DNAH12: variants seen among roughly 807,000 people sequenced by gnomAD.
DNAH12 encodes the protein axonemal beta dynein heavy chain 12.
DNAH12 carries 285 observed loss-of-function variants against 371.5 expected under a neutral mutation model. The observed-to-expected ratio is 0.77, with a 90% CI of 0.70 to 0.85. DNAH12 has a LOEUF of 0.85. Ranked by LOEUF, DNAH12 falls within the 40% of genes least tolerant of loss-of-function variation. The probability of loss-of-function intolerance (pLI) is 0.00; values close to 1 mark genes in which losing one functional copy is unlikely to be tolerated. For synonymous variants in DNAH12, 1,200 were observed against 1,213.0 expected (o/e 0.99, Z 0.22); for missense variants, 3,611 against 3,689.4 (o/e 0.98, Z 0.55).
In DNAH12 at chr3:57,523,575, G is replaced by T; in HGVS notation, c.279+8C>A. 6.3e-7 allele frequency: 1 copy of T among 1,577,228 alleles called. No individual in the cohort carries two copies. The highest frequency in any genetic ancestry group is 8.6e-7 in the Non-Finnish European group (1 of 1,162,354). On this transcript the variant is annotated splice_region_variant and intron_variant, in intron 4 of 73. Coordinates refer to ENST00000495027, the MANE Select transcript of DNAH12 (RefSeq NM_001366028.2). Reference sequence around the variant, plus strand: ...TTTCAAACAAGAAATATAAAAACTTGAACTCACTCCTTTTTTTTTCATTTC... The same window carrying T: ...TTTCAAACAAGAAATATAAAAACTTTAACTCACTCCTTTTTTTTTCATTTC...
At chr3:57,426,449 A>G (rs1460560457) in intron 34 of DNAH12, among the ~76,000 whole-genome samples, 1 of 152,124 alleles carries the variant, frequency 6.6e-6, no homozygotes, top group Non-Finnish European at 1.5e-5. Context: ...TTGAGATACT[A>G]TAACGGGAAG....
chr3:57,363,343 A>T (rs2062980165), intron 58 of DNAH12, among the ~76,000 whole-genome samples: 1 of 152,206 alleles, frequency 6.6e-6, no homozygotes, highest in African/African-American at 2.4e-5. Flanking sequence ...AATATATTTT[A>T]AAACGTTCAT....
At chr3:57,477,424 G>A (rs921968254) in intron 13 of DNAH12, among the ~76,000 whole-genome samples, 14 of 152,172 alleles carry the variant, frequency 9.2e-5, no homozygotes, top group African/African-American at 2.4e-4. Context: ...CGAAGTGGCC[G>A]GGAAGCTCGA....
chr3:57,506,941 C>T (rs1005732290), intron 8 of DNAH12, among the ~76,000 whole-genome samples: 1 of 151,772 alleles, frequency 6.6e-6, no homozygotes, highest in Non-Finnish European at 1.5e-5. Flanking sequence ...CATCTCTTTA[C>T]TTTTATTAAA....
chr3:57,382,221 T>C (rs1460137161), intron 50 of DNAH12, 41 bp downstream of exon 50: 3 of 152,190 alleles, frequency 2.0e-5, no homozygotes, highest in South Asian at 2.1e-4. Flanking sequence ...ACAAGTTCTA[T>C]ACATTCATGA....
intron 60 of DNAH12, 39 bp downstream of exon 60, chr3:57,352,046 T>C (rs1265118558): frequency 1.4e-6 from 2 of 1,478,174 alleles, no homozygotes; most frequent in East Asian, 5.1e-5. Context: ...CAGGGAGGTT[T>C]TAAAAATAAA....
intron 35 of DNAH12, among the ~76,000 whole-genome samples, chr3:57,422,231 ATTT>A (rs111276086): frequency 0.11 from 15,938 of 147,124 alleles, 1,838 homozygotes; most frequent in African/African-American, 0.29. Context: ...ATCAAAAAAA[ATTT>A]TTTTTTCTTT....
intron 60 of DNAH12, among the ~76,000 whole-genome samples, chr3:57,335,923 A>G (rs1553653520): frequency 1.3e-5 from 2 of 152,210 alleles, no homozygotes; most frequent in Non-Finnish European, 2.9e-5. Flanking sequence ...TGGTGAAGCT[A>G]ACATAGCCTT....
chr3:57,369,649 GA>G (rs1253990119), intron 55 of DNAH12, among the ~76,000 whole-genome samples: 2 of 152,028 alleles, frequency 1.3e-5, no homozygotes, highest in Non-Finnish European at 2.9e-5. Context: ...ACCACAGCAA[GA>G]AAGCAAACAA....
Position 57,314,711 on chromosome 3 carries a change from T to C in DNAH12, c.10525-80A>G. 2.1e-6 allele frequency: 3 copies of C among 1,398,810 alleles called. No individual in the cohort carries two copies. The South Asian group carries it at 4.5e-5, about 21-fold the overall frequency. 86.6% of individuals were successfully genotyped at this position (1,398,810 alleles called of 1,614,324 possible). A position where few individuals can be genotyped will look rare whatever the true frequency, so the allele number is the denominator to read the frequency against. Reference sequence around the variant, plus strand: ...TAAAATGAGAGGAATAGATAAATGATCTTTCTCACAAGATTCTGTGATCAC... The same window carrying C: ...TAAAATGAGAGGAATAGATAAATGACCTTTCTCACAAGATTCTGTGATCAC... On this transcript the variant is annotated intron_variant, in intron 65 of 73. Coordinates refer to ENST00000495027, the MANE Select transcript of DNAH12 (RefSeq NM_001366028.2).
chr3:57,468,658 T>C (rs1213615259), intron 17 of DNAH12, 78 bp downstream of exon 17: 1 of 838,184 alleles, frequency 1.2e-6, no homozygotes, highest in Non-Finnish European at 1.7e-6. Flanking sequence ...GAAGATAGGC[T>C]TTATAATTTA....
At chr3:57,422,466 T>G (rs1257992058) in intron 35 of DNAH12, among the ~76,000 whole-genome samples, 1 of 151,974 alleles carries the variant, frequency 6.6e-6, no homozygotes, top group Non-Finnish European at 1.5e-5. Flanking sequence ...AGTGCTGGGA[T>G]TACAGGTGTG....
intron 11 of DNAH12, chr3:57,498,302 T>A: frequency 1.7e-6 from 1 of 573,534 alleles, no homozygotes; most frequent in Non-Finnish European, 3.1e-6. Flanking sequence ...TATAACAACT[T>A]TGAAAGAAAT....
intron 62 of DNAH12, among the ~76,000 whole-genome samples, chr3:57,334,119 T>C (rs1035789585): frequency 6.6e-6 from 1 of 152,142 alleles, no homozygotes; most frequent in Admixed American, 6.5e-5. Flanking sequence ...AATGTAAAGA[T>C]AGCAACAGAA....
At chr3:57,460,502 C>T (rs912557780) in intron 19 of DNAH12, among the ~76,000 whole-genome samples, 3 of 152,042 alleles carry the variant, frequency 2.0e-5, no homozygotes, top group Admixed American at 6.6e-5. Context: ...CTCATATCTT[C>T]GATTTTTAAA....
chr3:57,465,715 C>A (rs1197560767), intron 17 of DNAH12, among the ~76,000 whole-genome samples: 2 of 151,960 alleles, frequency 1.3e-5, no homozygotes, highest in African/African-American at 2.4e-5. Flanking sequence ...ACATCACAGA[C>A]AAAGCCTAAT....
intron 60 of DNAH12, among the ~76,000 whole-genome samples, chr3:57,350,607 T>C (rs1208403823): frequency 1.3e-5 from 2 of 152,222 alleles, no homozygotes; most frequent in South Asian, 2.1e-4. Flanking sequence ...CTTCATAATA[T>C]TGGGCTGTGA....
chr3:57,555,343 TTTTA>T, the DNAH12 span, among the ~76,000 whole-genome samples: 311 of 152,332 alleles, frequency 2.0e-3, 7 homozygotes, highest in South Asian at 0.037. Flanking sequence ...GATCCTGTAA[TTTTA>T]TTTGTTAAAT....
At chr3:57,445,657 T>A (rs930591986) in intron 27 of DNAH12, among the ~76,000 whole-genome samples, 1 of 151,662 alleles carries the variant, frequency 6.6e-6, no homozygotes, top group Admixed American at 6.6e-5. Context: ...TCATTTTGAA[T>A]GGATTATGCT....
Sources: allele counts gnomAD v4.1 joint callset (sites outside exome capture counted in the v4.1 genomes callset), GRCh38; gene constraint gnomAD v4.1.1; transcripts MANE v1.5; gene names NCBI Gene and HGNC (gene_info 2026-07-23, HGNC 2026-07-21).